Variants in MYT1 observed in about 807,000 individuals in gnomAD.
The protein encoded by MYT1 is myelin transcription factor I.
A neutral mutation model predicts 123.0 loss-of-function variants in MYT1; 23 were observed. That is an observed-to-expected ratio of 0.19 (90% CI 0.13 to 0.26). The LOEUF (loss-of-function observed/expected upper bound fraction) is 0.26, where lower values mean the gene tolerates loss of function less well. MYT1 is among the 10% of genes least tolerant of loss of function. The probability of loss-of-function intolerance (pLI) is 1.00; values close to 1 mark genes in which losing one functional copy is unlikely to be tolerated. For missense variants in MYT1, 1,125 were observed against 1,472.5 expected (o/e 0.76, Z 3.86); for synonymous variants, 518 against 575.3 (o/e 0.90, Z 1.43).
chr20:64,167,764 C>T lies in MYT1; in HGVS notation c.-99+3025C>T, dbSNP rs1298667156. 6.6e-6 allele frequency among the ~76,000 whole-genome samples: 1 copy of T among 152,226 alleles called. No homozygotes were observed. Among genetic ancestry groups the T allele is most frequent in the Non-Finnish European group, 1.5e-5 (1 of 68,050 alleles). Reference sequence around the variant, plus strand: ...CCATCTTCCTCATCTTAGATCCTCCCCCTCTGCATTTTCCGTGTGAACTCC... The same window carrying T: ...CCATCTTCCTCATCTTAGATCCTCCTCCTCTGCATTTTCCGTGTGAACTCC... On this transcript the variant is annotated intron_variant, in intron 1 of 22. Transcript: ENST00000328439. The surrounding 1 kb of genome is among the most constrained non-coding windows in gnomAD (Gnocchi z 6.3).
chr20:64,198,236 G>A (rs1390296130), intron 2 of MYT1, among the ~76,000 whole-genome samples: 1 of 139,312 alleles, frequency 7.2e-6, no homozygotes, highest in Non-Finnish European at 1.5e-5. Flanking sequence ...GCAGTGAGCC[G>A]AGATCGCGCC....
intron 1 of MYT1, among the ~76,000 whole-genome samples, chr20:64,172,358 T>G (rs1333495129): frequency 1.3e-5 from 2 of 152,192 alleles, no homozygotes; most frequent in African/African-American, 4.8e-5. Flanking sequence ...AGAACTGTTG[T>G]GAAAGCCAAA....
At chr20:64,214,360 C>T (rs1043656890) in intron 10 of MYT1, among the ~76,000 whole-genome samples, 5 of 152,000 alleles carry the variant, frequency 3.3e-5, no homozygotes, top group African/African-American at 7.3e-5. Context: ...CGCATATGTG[C>T]GAGTATGTTT....
In MYT1 at chr20:64,207,690, C is replaced by A. The variant is rs371469264; in HGVS notation, c.494C>A (p.Ala165Glu). ...TACAGCAGCTACCAGGGAATCATCG[C>A]AACTTCTCTCCTGAACTTGGGTCAA... is the stretch of plus-strand genomic sequence containing the variant. ...GSYSSYQGII[A>E]TSLLNLGQIA... Residue 165 changes from alanine to glutamate, a missense_variant, in exon 7 of 23, where the codon GCA becomes GAA. By Grantham distance (107) the Ala-to-Glu change is moderately radical. Around this residue, in one of 4 missense-constraint regions of MYT1, gnomAD observed 406 missense variants for 432.2 expected, o/e 0.94. Transcript: ENST00000328439. The A allele has an allele frequency of 3.1e-6, 5 of 1,613,960 alleles. No individual in the cohort carries two copies. The highest frequency in any genetic ancestry group is 4.2e-6 in the Non-Finnish European group (5 of 1,180,042).
intron 16 of MYT1, among the ~76,000 whole-genome samples, chr20:64,225,303 G>A (rs898043536): frequency 1.3e-5 from 2 of 152,220 alleles, no homozygotes; most frequent in Non-Finnish European, 2.9e-5. Flanking sequence ...CATGGGTGAC[G>A]GTGGCCTTGG....
chr20:64,184,881 G>A (rs1227669585), intron 1 of MYT1, among the ~76,000 whole-genome samples: 7 of 152,230 alleles, frequency 4.6e-5, no homozygotes, highest in Admixed American at 4.6e-4. Context: ...GGGGTGGCCG[G>A]GTGGCCAGGA....
intron 1 of MYT1, among the ~76,000 whole-genome samples, chr20:64,177,751 C>T (rs1460287699): frequency 6.6e-6 from 1 of 150,806 alleles, no homozygotes; most frequent in Non-Finnish European, 1.5e-5. Context: ...TGTGGGGGGT[C>T]CTGTGTGGGC....
At chr20:64,210,375 A>C (rs1983630747) in intron 7 of MYT1, among the ~76,000 whole-genome samples, 5 of 152,200 alleles carry the variant, frequency 3.3e-5, no homozygotes, top group Admixed American at 3.3e-4. Flanking sequence ...AGAATTCTGG[A>C]CAGAGGCCGT....
At chr20:64,225,749 T>C (rs755901712) in intron 16 of MYT1, among the ~76,000 whole-genome samples, 1 of 152,042 alleles carries the variant, frequency 6.6e-6, no homozygotes, top group Non-Finnish European at 1.5e-5. Flanking sequence ...ATGAGGGGCA[T>C]GCAGAGGGGA....
At chr20:64,205,876 A>G in intron 6 of MYT1, 76 bp downstream of exon 6, 1 of 1,568,750 alleles carries the variant, frequency 6.4e-7, no homozygotes, top group African/African-American at 1.4e-5. Context: ...GTGAGCGGGG[A>G]GGGGCTCACT....
In MYT1 at chr20:64,202,018, C is replaced by T. The variant is rs1983332055; in HGVS notation, c.86+2096C>T. On this transcript the variant is annotated intron_variant, in intron 4 of 22. Transcript: ENST00000328439. The surrounding 1 kb of genome is among the most constrained non-coding windows in gnomAD (Gnocchi z 5.0). Reference sequence around the variant, plus strand: ...GAACCCCCGCGTGTCGGGAACCCCTCGCGTGTCGGGAACCCCCGCGTGTCG... The same window carrying T: ...GAACCCCCGCGTGTCGGGAACCCCTTGCGTGTCGGGAACCCCCGCGTGTCG... Among the ~76,000 whole-genome samples the T allele has an allele frequency of 4.3e-5, 2 of 46,578 alleles. No homozygotes were observed. The highest frequency in any genetic ancestry group is 2.2e-4 in the Admixed American group (1 of 4,510). The allele number at this position is 46,578 out of a possible 152,430, so 30.6% of individuals were successfully genotyped here.
intron 1 of MYT1, among the ~76,000 whole-genome samples, chr20:64,170,880 TATATAGAGAGAGAGAGAGAG>T (rs1464458558): frequency 8.1e-5 from 4 of 49,158 alleles, no homozygotes; most frequent in Admixed American, 3.2e-4. Flanking sequence ...TATATATATA[TATATAGAGAGAGAGAGAGAG>T]AGAGAGAGAG....
intron 4 of MYT1, among the ~76,000 whole-genome samples, chr20:64,201,932 C>CGCGTGTCGGGAACCTCT (rs1568708064): frequency 7.7e-5 from 5 of 65,130 alleles, no homozygotes; most frequent in African/African-American, 3.1e-4. Context: ...CGGGAACCCC[C>CGCGTGTCGGGAACCTCT]GCGTGTCGGG....
rs1262492121 is a variant in MYT1, at chr20:64,185,939, C to T, written c.-98-4124C>T. Among the ~76,000 whole-genome samples, 1 of 152,168 alleles carries T rather than the reference C, an allele frequency of 6.6e-6. No homozygotes were observed. Among genetic ancestry groups the T allele is most frequent in the Non-Finnish European group, 1.5e-5 (1 of 68,028 alleles). On this transcript the variant is annotated intron_variant, in intron 1 of 22. Coordinates refer to ENST00000328439, the MANE Select transcript of MYT1 (RefSeq NM_004535.3). The surrounding 1 kb of genome is among the most constrained non-coding windows in gnomAD (Gnocchi z 4.5). ...CTCAGTGGAAGCGTCCTGTCTGGGGCCTGGGTCAGGCTGGTCTCCAGTTTG... is the reference window on the plus strand; with the variant it reads ...CTCAGTGGAAGCGTCCTGTCTGGGGTCTGGGTCAGGCTGGTCTCCAGTTTG...
Position 64,213,546 on chromosome 20 carries a change from T to C in MYT1, c.1530T>C (p.Cys510=). The C allele has an allele frequency of 1.2e-6, 2 of 1,613,824 alleles. No homozygotes were observed. Among genetic ancestry groups the C allele is most frequent in the Non-Finnish European group, 1.7e-6 (2 of 1,179,924 alleles). Reference sequence around the variant, plus strand: ...TTCCTTCCTCTAGTTTGTCTGGGTGTCCCATTGCTGCCGCCGAAAAATTAG... The same window carrying C: ...TTCCTTCCTCTAGTTTGTCTGGGTGCCCCATTGCTGCCGCCGAAAAATTAG... ...NRNTHRSLSG[C]PIAAAEKLAK... Residue 510 remains cysteine (C), a synonymous_variant, in exon 10 of 23, where the codon TGT becomes TGC. Transcript: ENST00000328439. This position sits in a 1 kb window ranked among gnomAD's most constrained non-coding sequence, Gnocchi z 5.6.
intron 4 of MYT1, among the ~76,000 whole-genome samples, chr20:64,201,183 C>T (rs1831214601): frequency 6.6e-6 from 1 of 152,144 alleles, no homozygotes; most frequent in African/African-American, 2.4e-5. Context: ...GTCGAAAAGG[C>T]AAATACAAAT....
chr20:64,238,157 C>G (rs537725282), intron 21 of MYT1, among the ~76,000 whole-genome samples: 62 of 152,008 alleles, frequency 4.1e-4, no homozygotes, highest in Non-Finnish European at 8.2e-4. Context: ...AAGAGCATGC[C>G]CCACCTGTGG....
rs745364248 is a variant in MYT1 at position 64,213,566 on chromosome 20, AATT to A, written c.1552_1554del (p.Leu518del). On this transcript the variant is annotated inframe_deletion, in exon 10 of 23. Coordinates refer to ENST00000328439, the MANE Select transcript of MYT1 (RefSeq NM_004535.3). The surrounding 1 kb of genome is among the most constrained non-coding windows in gnomAD (Gnocchi z 5.6). ...GGGTGTCCCATTGCTGCCGCCGAAA[AATT>A]AGCCAAATCCCATGAGAAGCAGCAG... 4 of 1,613,932 alleles carry A rather than the reference AATT, an allele frequency of 2.5e-6. No individual in the cohort carries two copies. Among genetic ancestry groups the A allele is most frequent in the Non-Finnish European group, 3.4e-6 (4 of 1,180,008 alleles).
rs961445113 is a variant in MYT1 at position 64,164,649 on chromosome 20, C to T, written c.-189C>T. On this transcript the variant is annotated 5_prime_UTR_variant, in exon 1 of 23. Transcript: ENST00000328439. ...GGAGGCAGCTGCCTTCCCTCTCCTC[C>T]CCCAGTCCACCCTGCACCCCCCATG... is the stretch of plus-strand genomic sequence containing the variant. The T allele has an allele frequency of 2.0e-5, 3 of 152,060 alleles. No homozygotes were observed. The highest frequency in any genetic ancestry group is 4.4e-5 in the Non-Finnish European group (3 of 68,010). The allele number at this position is 152,060 out of a possible 1,614,324, so 9.4% of individuals were successfully genotyped here.
Sources: gnomAD v4.1 joint callset for allele counts (sites outside exome capture counted in the v4.1 genomes callset) on GRCh38, gnomAD v4.1.1 for gene constraint, gnomAD v4.1.1 regional missense constraint, Gnocchi (gnomAD v3.1) non-coding constraint, MANE v1.5 for transcripts, NCBI Gene and HGNC (gene_info 2026-07-23, HGNC 2026-07-21) for gene names.